Variants in DLGAP2 observed in about 807,000 individuals in gnomAD.
The protein encoded by DLGAP2 is disks large-associated protein 2.
A neutral mutation model predicts 100.3 loss-of-function variants in DLGAP2; 26 were observed. The observed-to-expected ratio is 0.26, with a 90% CI of 0.19 to 0.36. The LOEUF (loss-of-function observed/expected upper bound fraction) is 0.36. Ranked by LOEUF, DLGAP2 falls within the 10% of genes least tolerant of loss-of-function variation. The pLI, the probability that DLGAP2 is intolerant of heterozygous loss-of-function variation, is 1.00. For synonymous variants in DLGAP2, 886 were observed against 630.1 expected (o/e 1.41, Z -6.08); for missense variants, 1,858 against 1,453.2 (o/e 1.28, Z -4.53).
chr8:836,853 C>A (rs1796887713), intron 1 of DLGAP2, among the ~76,000 whole-genome samples: 1 of 152,240 alleles, frequency 6.6e-6, no homozygotes, highest in Admixed American at 6.5e-5. Flanking sequence ...CCAGACTCTG[C>A]GCTCGTCTCC....
At chr8:1,417,773 A>G (rs1199475385) in intron 3 of DLGAP2, among the ~76,000 whole-genome samples, 1 of 135,448 alleles carries the variant, frequency 7.4e-6, no homozygotes, top group Non-Finnish European at 1.6e-5. Context: ...GGGTCCTGGA[A>G]TGATTTCAGA....
chr8:1,601,784 G>C (rs1796633183), intron 6 of DLGAP2, among the ~76,000 whole-genome samples: 1 of 152,160 alleles, frequency 6.6e-6, no homozygotes. Context: ...AGGGTCTTTG[G>C]AGTTGCTGTT....
chr8:1,299,422 C>G (rs148399598), intron 3 of DLGAP2, among the ~76,000 whole-genome samples: 21 of 152,298 alleles, frequency 1.4e-4, no homozygotes, highest in Non-Finnish European at 2.5e-4. Context: ...TAATGTTTTT[C>G]CATAAAATTG....
intron 8 of DLGAP2, among the ~76,000 whole-genome samples, chr8:1,655,344 T>G (rs1798259315): frequency 6.6e-6 from 1 of 152,256 alleles, no homozygotes; most frequent in African/African-American, 2.4e-5. Flanking sequence ...CAGACAGTCA[T>G]GGGCTTGATG....
intron 4 of DLGAP2, among the ~76,000 whole-genome samples, chr8:1,518,364 TG>T (rs1800469072): frequency 6.6e-6 from 1 of 152,208 alleles, no homozygotes; most frequent in Non-Finnish European, 1.5e-5. Flanking sequence ...GTCGGTTCTG[TG>T]GCTGTGGCAA....
At chr8:1,124,831 A>G (rs560331012) in intron 2 of DLGAP2, among the ~76,000 whole-genome samples, 1 of 152,346 alleles carries the variant, frequency 6.6e-6, no homozygotes, top group East Asian at 1.9e-4. Context: ...GCCAGTCTGC[A>G]GGATGGCTGA....
chr8:1,615,032 A>T (rs1006306901), intron 6 of DLGAP2, among the ~76,000 whole-genome samples: 1 of 152,250 alleles, frequency 6.6e-6, no homozygotes, highest in Non-Finnish European at 1.5e-5. Flanking sequence ...GAACTGAAGC[A>T]GACAGCTGCA....
At chr8:943,702 T>C (rs1312993339) in intron 2 of DLGAP2, among the ~76,000 whole-genome samples, 5 of 151,296 alleles carry the variant, frequency 3.3e-5, no homozygotes, top group African/African-American at 7.3e-5. Flanking sequence ...GGATCTGGCA[T>C]GTAGACGTCG....
At chr8:853,354 G>A (rs926628607) in intron 1 of DLGAP2, among the ~76,000 whole-genome samples, 3 of 152,230 alleles carry the variant, frequency 2.0e-5, no homozygotes, top group Admixed American at 1.3e-4. Context: ...CACGCATGTC[G>A]TCCAACAGGA....
In DLGAP2 at chr8:1,701,502, T is replaced by G. The variant is rs766180114; in HGVS notation, c.*96T>G. The stretch of plus-strand genomic sequence containing the variant: ...GGTGGTTTCTGTCTCCTCCTCCCGC[T>G]GAACACGTCCTCGCTCCCGCGCTCC... On this transcript the variant is annotated 3_prime_UTR_variant, in exon 15 of 15. Transcript: ENST00000637795. The G allele has an allele frequency of 7.8e-7, 1 of 1,284,518 alleles. No homozygotes were observed. Among genetic ancestry groups the G allele is most frequent in the Non-Finnish European group, 1.1e-6 (1 of 948,762 alleles). 79.6% of individuals were successfully genotyped at this position (1,284,518 alleles called of 1,614,324 possible). A position where few individuals can be genotyped will look rare whatever the true frequency, so the allele number is the denominator to read the frequency against.
chr8:1,254,416 C>T (rs1799124506), intron 2 of DLGAP2, among the ~76,000 whole-genome samples: 2 of 152,282 alleles, frequency 1.3e-5, no homozygotes, highest in Non-Finnish European at 2.9e-5. Flanking sequence ...GCCAAGGTCT[C>T]AGTGGTCACA....
At chr8:1,499,845 C>G (rs967040628) in intron 3 of DLGAP2, among the ~76,000 whole-genome samples, 3 of 152,228 alleles carry the variant, frequency 2.0e-5, no homozygotes. Flanking sequence ...TCCCAAACCT[C>G]TACGAACTTA....
At chr8:928,516 G>C (rs570867127) in intron 2 of DLGAP2, among the ~76,000 whole-genome samples, 1 of 152,156 alleles carries the variant, frequency 6.6e-6, no homozygotes, top group Non-Finnish European at 1.5e-5. Context: ...TGACAACACG[G>C]GTGATGCTGG....
chr8:1,694,865 T>A (rs1799341441), intron 13 of DLGAP2, among the ~76,000 whole-genome samples: 1 of 152,166 alleles, frequency 6.6e-6, no homozygotes, highest in African/African-American at 2.4e-5. Context: ...ACTTTTTTTT[T>A]TTATTATAAA....
chr8:1,332,747 A>T (rs1039168705), intron 3 of DLGAP2, among the ~76,000 whole-genome samples: 7 of 152,154 alleles, frequency 4.6e-5, no homozygotes, highest in African/African-American at 1.7e-4. Context: ...CACGCCCCAG[A>T]CCTGGAAAAG....
intron 2 of DLGAP2, among the ~76,000 whole-genome samples, chr8:912,130 G>T (rs1337666187): frequency 1.3e-5 from 2 of 152,196 alleles, no homozygotes; most frequent in Non-Finnish European, 2.9e-5. Context: ...GAAGTTTCAA[G>T]AATGAATTGA....
intron 4 of DLGAP2, among the ~76,000 whole-genome samples, chr8:1,526,565 C>T (rs564674512): frequency 6.6e-6 from 1 of 152,320 alleles, no homozygotes; most frequent in African/African-American, 2.4e-5. Flanking sequence ...GTTCTCATAG[C>T]GAGACTTCCC....
At chr8:1,414,008 C>T (rs1796807046) in intron 3 of DLGAP2, among the ~76,000 whole-genome samples, 1 of 152,150 alleles carries the variant, frequency 6.6e-6, no homozygotes, top group Non-Finnish European at 1.5e-5. Context: ...TCAAAAAGTG[C>T]AGCTCAGGGC....
chr8:998,180 G>A (rs1254504375), intron 2 of DLGAP2, among the ~76,000 whole-genome samples: 6 of 152,130 alleles, frequency 3.9e-5, no homozygotes, highest in Non-Finnish European at 8.8e-5. Context: ...ACACACAAAT[G>A]TGCATGCACA....
Sources: gnomAD v4.1 joint callset for allele counts (sites outside exome capture counted in the v4.1 genomes callset) on GRCh38, gnomAD v4.1.1 for gene constraint, MANE v1.5 for transcripts, NCBI Gene and HGNC (gene_info 2026-07-23, HGNC 2026-07-21) for gene names.